Variants in MACF1 observed in about 807,000 individuals in gnomAD.
MACF1 encodes microtubule actin crosslinking factor 1.
Under a neutral mutation model 854.8 loss-of-function variants are expected in MACF1, and 193 were observed. The observed-to-expected ratio is 0.23, with a 90% CI of 0.20 to 0.25. The LOEUF is 0.25. MACF1 is among the 10% of genes least tolerant of loss of function. The pLI is 1.00. For missense variants in MACF1, 7,722 were observed against 8,929.1 expected (o/e 0.86, Z 5.45); for synonymous variants, 3,185 against 3,226.7 (o/e 0.99, Z 0.44).
chr1:39,369,986 T>C (rs1417141795), intron 50 of MACF1, 44 bp from the exon 51 acceptor site: 9 of 1,575,764 alleles, frequency 5.7e-6, no homozygotes, highest in Non-Finnish European at 7.8e-6. Context: ...AAGTTGACTT[T>C]ATAAAACTTA....
chr1:39,293,676 CAG>C, intron 18 of MACF1, 57 bp downstream of exon 18: 1 of 1,546,244 alleles, frequency 6.5e-7, no homozygotes, highest in Non-Finnish European at 8.8e-7. Context: ...CAGAAGGAGA[CAG>C]GGCCTAGTCT....
chr1:39,227,397 A>G (rs1386247408), intron 1 of MACF1, among the ~76,000 whole-genome samples: 1 of 152,240 alleles, frequency 6.6e-6, no homozygotes, highest in South Asian at 2.1e-4. Context: ...GGGAAATACA[A>G]AAAAGTAAAT....
intron 2 of MACF1, among the ~76,000 whole-genome samples, chr1:39,243,570 T>G (rs1294671932): frequency 1.3e-5 from 2 of 152,180 alleles, no homozygotes; most frequent in East Asian, 1.9e-4. Flanking sequence ...CCTGGCTGAC[T>G]TTTAAAATTT....
chr1:39,272,886 G>A (rs911580085), intron 6 of MACF1, among the ~76,000 whole-genome samples: 1 of 152,170 alleles, frequency 6.6e-6, no homozygotes, highest in African/African-American at 2.4e-5. Context: ...TTTGGAGCTG[G>A]ATGGGAACAG....
intron 2 of MACF1, among the ~76,000 whole-genome samples, chr1:39,154,734 A>G (rs1371132024): frequency 2.1e-5 from 3 of 145,594 alleles, no homozygotes; most frequent in South Asian, 2.2e-4. Context: ...TTTTTTTTTT[A>G]ACAGCCATCC....
At chr1:39,239,500 A>G (rs1305014787) in intron 2 of MACF1, among the ~76,000 whole-genome samples, 1 of 152,214 alleles carries the variant, frequency 6.6e-6, no homozygotes, top group Non-Finnish European at 1.5e-5. Context: ...GAAATAAACA[A>G]CCTAATTTAG....
intron 56 of MACF1, among the ~76,000 whole-genome samples, chr1:39,382,452 C>G (rs923888770): frequency 2.0e-5 from 3 of 151,976 alleles, no homozygotes; most frequent in Non-Finnish European, 2.9e-5. Flanking sequence ...CACCTGTAAT[C>G]CCAGCACTTT....
Position 39,196,735 on chromosome 1 carries a change from A to G in MACF1, c.221-34447A>G, listed in dbSNP as rs150753797. ...AAAGTTATGATGCTTGTGGATATCA[A>G]TTATTTTGAGACCAAGTAAATCTCA... On this transcript the variant is annotated intron_variant, in intron 2 of 93. Coordinates refer to the MACF1 transcript ENST00000361689. Among the ~76,000 whole-genome samples, 937 of 152,302 alleles carry G rather than the reference A, an allele frequency of 6.2e-3. 18 individuals carry two copies. Among genetic ancestry groups the G allele is most frequent in the African/African-American group, 0.021 (879 of 41,546 alleles).
chr1:39,285,232 G>A, intron 12 of MACF1, 22 bp downstream of exon 12: 1 of 1,614,072 alleles, frequency 6.2e-7, no homozygotes, highest in South Asian at 1.1e-5. Flanking sequence ...TCCTGAGAGT[G>A]GTCTGACATT....
intron 2 of MACF1, among the ~76,000 whole-genome samples, chr1:39,146,492 C>T (rs1643467613): frequency 6.7e-6 from 1 of 149,568 alleles, no homozygotes; most frequent in Non-Finnish European, 1.5e-5. Context: ...TGTACATATA[C>T]ACAATAGAGT....
Position 39,461,964 on chromosome 1 carries a change from A to T in MACF1, c.21605A>T (p.Glu7202Val), listed in dbSNP as rs773091759. 1 of 1,614,092 alleles carries T rather than the reference A, an allele frequency of 6.2e-7. No homozygotes were observed. The highest frequency in any genetic ancestry group is 8.5e-7 in the Non-Finnish European group (1 of 1,180,008). The part of the protein sequence containing the change: ...RDGDGYIDYY[E>V]FVAALHPNKD... Reference sequence around the variant, plus strand: ...GGGGATGGTTACATTGATTATTATGAATTTGTGGCTGCTCTTCATCCCAAC... The same window carrying T: ...GGGGATGGTTACATTGATTATTATGTATTTGTGGCTGCTCTTCATCCCAAC... The change falls in exon 93 of 101, where the codon GAA (glutamate) becomes GTA (valine). Residue 7202 changes from glutamate to valine, a missense_variant. Transcript: ENST00000564288.
chr1:39,145,837 A>G (rs895042458), intron 2 of MACF1, among the ~76,000 whole-genome samples: 4 of 152,286 alleles, frequency 2.6e-5, no homozygotes, highest in South Asian at 2.1e-4. Flanking sequence ...GTAACTACCT[A>G]TTGTATGAGC....
intron 68 of MACF1, 66 bp from the exon 69 acceptor site, chr1:39,434,348 A>G (rs1643926281): frequency 1.2e-6 from 1 of 866,234 alleles, no homozygotes; most frequent in Admixed American, 2.4e-5. Flanking sequence ...ATATATACCT[A>G]CTTTTTTTCT....
chr1:39,255,920 A>G (rs1339257438), intron 5 of MACF1, among the ~76,000 whole-genome samples: 1 of 152,182 alleles, frequency 6.6e-6, no homozygotes, highest in African/African-American at 2.4e-5. Flanking sequence ...TTTGGTTACT[A>G]TGATAGAATG....
intron 6 of MACF1, among the ~76,000 whole-genome samples, chr1:39,261,132 A>G (rs921419803): frequency 2.6e-5 from 4 of 152,098 alleles, no homozygotes; most frequent in Non-Finnish European, 5.9e-5. Context: ...TATGTAGATC[A>G]TTTATATTGT....
intron 19 of MACF1, among the ~76,000 whole-genome samples, chr1:39,295,521 G>A: frequency 6.6e-6 from 1 of 152,210 alleles, no homozygotes; most frequent in East Asian, 1.9e-4. Flanking sequence ...ATTTATTTAT[G>A]CCTGGGTTTT....
intron 97 of MACF1, among the ~76,000 whole-genome samples, chr1:39,474,907 A>T (rs1018556957): frequency 1.3e-5 from 2 of 152,208 alleles, no homozygotes; most frequent in Non-Finnish European, 2.9e-5. Context: ...AGAAACCACA[A>T]GTTCATATGA....
intron 54 of MACF1, 73 bp from the exon 55 acceptor site, chr1:39,380,171 A>T: frequency 6.6e-7 from 1 of 1,513,176 alleles, no homozygotes; most frequent in East Asian, 2.3e-5. Context: ...CAGTTTTCCA[A>T]TCATTTCTAC....
intron 92 of MACF1, 49 bp from the exon 93 acceptor site, chr1:39,461,834 C>T: frequency 8.9e-7 from 1 of 1,121,198 alleles, no homozygotes; most frequent in Non-Finnish European, 1.3e-6. Context: ...AACCGCCAAC[C>T]GAACAAGTAC....
Sources: allele counts gnomAD v4.1 joint callset (sites outside exome capture counted in the v4.1 genomes callset), GRCh38; gene constraint gnomAD v4.1.1; transcripts MANE v1.5; gene names NCBI Gene and HGNC (gene_info 2026-07-23, HGNC 2026-07-21).